VAMP7: variants seen among roughly 807,000 people sequenced by gnomAD.
VAMP7 encodes vesicle associated membrane protein 7.
VAMP7 carries 14 observed loss-of-function variants against 29.6 expected under a neutral mutation model. The observed-to-expected ratio is 0.47, with a 90% CI of 0.31 to 0.74. The LOEUF is 0.74. Among genes scored for constraint, VAMP7 ranks in the 30% least tolerant of loss-of-function variants. VAMP7 has a pLI of 0.05. For synonymous variants in VAMP7, 95 were observed against 88.1 expected, an observed-to-expected ratio of 1.08 and a Z score of -0.44; for missense variants, 223 against 262.4, an observed-to-expected ratio of 0.85 and a Z score of 1.04.
chrX:155,934,903 C>A (rs2066624082), intron 6 of VAMP7, among the ~76,000 whole-genome samples: 1 of 152,018 alleles, frequency 6.6e-6, no homozygotes, highest in Non-Finnish European at 1.5e-5. Flanking sequence ...CTGGTGGTGA[C>A]AAAATCTCTC....
chrX:155,894,821 G>A (rs1448722866), intron 2 of VAMP7, among the ~76,000 whole-genome samples: 1 of 151,866 alleles, frequency 6.6e-6, no homozygotes, highest in Non-Finnish European at 1.5e-5. Context: ...TTGCCATGTT[G>A]CCCAGGCTGG....
At chrX:155,934,605 A>C (rs2066618088) in intron 6 of VAMP7, among the ~76,000 whole-genome samples, 1 of 152,054 alleles carries the variant, frequency 6.6e-6, no homozygotes, top group Admixed American at 6.6e-5. Flanking sequence ...TCTGCACATG[A>C]GATGGATTTC....
chrX:155,921,938 A>G (rs1354143418), intron 6 of VAMP7, among the ~76,000 whole-genome samples: 1 of 152,038 alleles, frequency 6.6e-6, no homozygotes, highest in African/African-American at 2.4e-5. Context: ...TTTTCGGTCC[A>G]TGAACGTGAC....
At chrX:155,931,966 T>C (rs1436022830) in intron 6 of VAMP7, among the ~76,000 whole-genome samples, 7 of 152,188 alleles carry the variant, frequency 4.6e-5, no homozygotes, top group African/African-American at 1.7e-4. Flanking sequence ...AAATAGGGAA[T>C]CCTTTCCCCA....
At chrX:155,889,764 G>T in intron 2 of VAMP7, 152 bp downstream of exon 2, 2 of 750,288 alleles carry the variant, frequency 2.7e-6, no homozygotes, top group East Asian at 6.1e-5. Flanking sequence ...AATATATCTG[G>T]TTTTGTTACT....
chrX:155,897,644 T>A (rs1428299769), intron 3 of VAMP7, among the ~76,000 whole-genome samples: 1 of 152,146 alleles, frequency 6.6e-6, no homozygotes, highest in Non-Finnish European at 1.5e-5. Flanking sequence ...CATGAGTATG[T>A]CACTTGATCT....
At chrX:155,929,149 A>G (rs1951554237) in intron 6 of VAMP7, among the ~76,000 whole-genome samples, 1 of 152,198 alleles carries the variant, frequency 6.6e-6, no homozygotes, top group African/African-American at 2.4e-5. Flanking sequence ...GAATTTAGGC[A>G]TCTGAGAAGT....
chrX:155,937,572 A>G (rs1362503168), intron 6 of VAMP7, among the ~76,000 whole-genome samples: 1 of 152,210 alleles, frequency 6.6e-6, no homozygotes, highest in Non-Finnish European at 1.5e-5. Context: ...TCAAGGCAGA[A>G]AAAAATAAAA....
chrX:155,913,334 CTGA>C (rs1471811806), intron 5 of VAMP7, among the ~76,000 whole-genome samples: 2 of 152,102 alleles, frequency 1.3e-5, no homozygotes, highest in Non-Finnish European at 2.9e-5. Context: ...CCTGTTCACT[CTGA>C]TGATAGTTTC....
intron 7 of VAMP7, 49 bp downstream of exon 7, chrX:155,939,842 A>C: frequency 7.2e-7 from 1 of 1,393,872 alleles, no homozygotes; most frequent in Non-Finnish European, 1.0e-6. Flanking sequence ...AATCTCTAAG[A>C]AATTAGGTAC....
intron 5 of VAMP7, among the ~76,000 whole-genome samples, chrX:155,912,930 C>T (rs1278357176): frequency 6.6e-5 from 10 of 152,158 alleles, no homozygotes; most frequent in East Asian, 1.9e-4. Flanking sequence ...CTTGAGGAAT[C>T]GCCACACTGT....
At chrX:155,936,867 G>T (rs2066666504) in intron 6 of VAMP7, among the ~76,000 whole-genome samples, 1 of 152,156 alleles carries the variant, frequency 6.6e-6, no homozygotes. Flanking sequence ...ATTTATGATA[G>T]CATCAAAAAG....
rs185850762 is a variant in VAMP7, at chrX:155,908,567, G to C, written c.433+7980G>C. On this transcript the variant is annotated intron_variant, in intron 5 of 7. Transcript: ENST00000286448. ...AGGGAGACCGTGGGGAGAGTGAGAG[G>C]GGGAGGGGGAGAGGGAGAGGGAGAG... is the stretch of plus-strand genomic sequence containing the variant. Among the ~76,000 whole-genome samples, 11 of 150,540 alleles carry C rather than the reference G, an allele frequency of 7.3e-5. No individual in the cohort carries two copies. In the East Asian group the frequency reaches 2.0e-3, roughly 27 times the overall value.
At chrX:155,894,356 C>T (rs2065961327) in intron 2 of VAMP7, among the ~76,000 whole-genome samples, 1 of 145,064 alleles carries the variant, frequency 6.9e-6, no homozygotes, top group African/African-American at 2.6e-5. Flanking sequence ...AATCTGATCA[C>T]ACCCTCCCTA....
At chrX:155,906,618 C>G (rs890128658) in intron 5 of VAMP7, among the ~76,000 whole-genome samples, 3 of 151,962 alleles carry the variant, frequency 2.0e-5, no homozygotes, top group Non-Finnish European at 4.4e-5. Context: ...TCGGATTGTT[C>G]AGTACTAATG....
At chrX:155,926,222 T>C (rs1450097927) in intron 6 of VAMP7, among the ~76,000 whole-genome samples, 2 of 152,186 alleles carry the variant, frequency 1.3e-5, no homozygotes, top group Non-Finnish European at 2.9e-5. Context: ...AAGCCAGTCA[T>C]TGGCTTCTCT....
At chrX:155,886,563 T>C (rs2065868046) in intron 1 of VAMP7, among the ~76,000 whole-genome samples, 1 of 152,184 alleles carries the variant, frequency 6.6e-6, no homozygotes, top group South Asian at 2.1e-4. Context: ...AAAACTATTG[T>C]CATGTTCCCT....
intron 1 of VAMP7, among the ~76,000 whole-genome samples, chrX:155,883,982 G>A (rs1185746464): frequency 1.3e-5 from 2 of 151,590 alleles, no homozygotes; most frequent in Non-Finnish European, 2.9e-5. Context: ...AAAGTGCTGG[G>A]ATTACAGGCA....
In VAMP7 at chrX:155,913,754, C is replaced by T. The variant is rs752135762; in HGVS notation, c.434-6059C>T. On this transcript the variant is annotated intron_variant, in intron 5 of 7. Coordinates refer to ENST00000286448, the MANE Select transcript of VAMP7 (RefSeq NM_005638.6). ...TATGTATCTGTTTTGGTACCAATACCATGCTGTTTTGGTTACTGTAGCCTT... is the reference window on the plus strand; with the variant it reads ...TATGTATCTGTTTTGGTACCAATACTATGCTGTTTTGGTTACTGTAGCCTT... Among the ~76,000 whole-genome samples, 255 of 152,164 alleles carry T rather than the reference C, an allele frequency of 1.7e-3. 2 individuals carry two copies. Among genetic ancestry groups the T allele is most frequent in the African/African-American group, 5.9e-3 (244 of 41,520 alleles).
Sources: gnomAD v4.1 joint callset for allele counts (sites outside exome capture counted in the v4.1 genomes callset) on GRCh38, gnomAD v4.1.1 for gene constraint, MANE v1.5 for transcripts, NCBI Gene and HGNC (gene_info 2026-07-23, HGNC 2026-07-21) for gene names.